Variants in WDR70 observed in about 807,000 individuals in gnomAD.
The protein encoded by WDR70 is WD repeat domain 70.
WDR70 carries 53 observed loss-of-function variants against 88.6 expected under a neutral mutation model. That is an observed-to-expected ratio of 0.60 (90% CI 0.48 to 0.75). The LOEUF (loss-of-function observed/expected upper bound fraction) is 0.75, where lower values mean the gene tolerates loss of function less well. Ranked by LOEUF, WDR70 falls within the 30% of genes least tolerant of loss-of-function variation. The probability of loss-of-function intolerance (pLI) is 0.00; values close to 1 mark genes in which losing one functional copy is unlikely to be tolerated. For missense variants in WDR70, 610 were observed against 823.2 expected, an observed-to-expected ratio of 0.74 and a Z score of 3.17; for synonymous variants, 280 against 270.0, an observed-to-expected ratio of 1.04 and a Z score of -0.36.
intron 7 of WDR70, among the ~76,000 whole-genome samples, chr5:37,451,209 A>G (rs1182860660): frequency 2.0e-5 from 3 of 152,066 alleles, no homozygotes; most frequent in Admixed American, 6.6e-5. Flanking sequence ...ATTTTTTTCA[A>G]GAAAAGACAG....
rs374759448 is a variant in WDR70, at chr5:37,432,643, A to T, written c.493-5279A>T. Reference sequence around the variant, plus strand: ...GATCTCCTGACCTTGTGATCCGCCCACCTCAGCCTCCCAAAGTGCTGGGAT... The same window carrying T: ...GATCTCCTGACCTTGTGATCCGCCCTCCTCAGCCTCCCAAAGTGCTGGGAT... On this transcript the variant is annotated intron_variant, in intron 5 of 17. Transcript: ENST00000265107. Among the ~76,000 whole-genome samples, 36 of 150,224 alleles carry T rather than the reference A, an allele frequency of 2.4e-4. No homozygotes were observed. The East Asian group carries it at 6.1e-3, about 25-fold the overall frequency.
chr5:37,409,711 G>A (rs1213378020), intron 5 of WDR70, among the ~76,000 whole-genome samples: 1 of 151,890 alleles, frequency 6.6e-6, no homozygotes. Flanking sequence ...CACCATGCTG[G>A]CCGGGCTGGT....
chr5:37,555,227 G>T (rs1742262649), intron 9 of WDR70, among the ~76,000 whole-genome samples: 1 of 152,132 alleles, frequency 6.6e-6, no homozygotes, highest in Admixed American at 6.5e-5. Flanking sequence ...AGTGATATGA[G>T]GCAGTCTTTT....
chr5:37,602,610 A>T (rs899755633), intron 9 of WDR70, among the ~76,000 whole-genome samples: 3 of 151,560 alleles, frequency 2.0e-5, no homozygotes, highest in African/African-American at 7.3e-5. Context: ...TGGGTGAGAG[A>T]GTGAGACTCT....
At chr5:37,649,659 C>T (rs1264427100) in intron 10 of WDR70, among the ~76,000 whole-genome samples, 1 of 148,682 alleles carries the variant, frequency 6.7e-6, no homozygotes, top group Non-Finnish European at 1.5e-5. Flanking sequence ...TTGTCATAAG[C>T]ATGAAAAGTT....
intron 13 of WDR70, among the ~76,000 whole-genome samples, chr5:37,713,314 C>T (rs912605738): frequency 1.3e-5 from 2 of 152,172 alleles, no homozygotes; most frequent in African/African-American, 4.8e-5. Flanking sequence ...AACCCCATTA[C>T]AAGCTATATT....
intron 10 of WDR70, among the ~76,000 whole-genome samples, chr5:37,622,724 C>T (rs557911371): frequency 8.0e-4 from 122 of 151,848 alleles, no homozygotes; most frequent in African/African-American, 2.8e-3. Flanking sequence ...GGGAACATCA[C>T]ACACTGGGGC....
At chr5:37,719,844 C>CTTTT (rs55870531) in intron 13 of WDR70, among the ~76,000 whole-genome samples, 1 of 141,120 alleles carries the variant, frequency 7.1e-6, no homozygotes, top group African/African-American at 2.6e-5. Context: ...TTCTTTCTTT[C>CTTTT]TTTTTTTTTT....
intron 7 of WDR70, among the ~76,000 whole-genome samples, chr5:37,455,946 T>A (rs1467142943): frequency 4.6e-5 from 7 of 152,164 alleles, no homozygotes; most frequent in Non-Finnish European, 1.0e-4. Flanking sequence ...CTTTTATAGC[T>A]GTGTAGTACT....
chr5:37,533,190 A>G (rs980701705), intron 9 of WDR70, among the ~76,000 whole-genome samples: 1 of 152,128 alleles, frequency 6.6e-6, no homozygotes, highest in African/African-American at 2.4e-5. Context: ...GGACTCTGTG[A>G]GCATCCTTGG....
At chr5:37,651,948 G>A (rs1269952178) in intron 10 of WDR70, among the ~76,000 whole-genome samples, 1 of 152,140 alleles carries the variant, frequency 6.6e-6, no homozygotes, top group Non-Finnish European at 1.5e-5. Flanking sequence ...CTGTGCAGAA[G>A]CTCTTTAGTT....
chr5:37,674,567 C>A (rs1165185741), intron 10 of WDR70, among the ~76,000 whole-genome samples: 2 of 152,092 alleles, frequency 1.3e-5, no homozygotes, highest in Non-Finnish European at 2.9e-5. Context: ...TGACCTCACC[C>A]TTTTTTATGG....
chr5:37,470,614 A>G (rs1298524125), intron 7 of WDR70, among the ~76,000 whole-genome samples: 2 of 152,168 alleles, frequency 1.3e-5, no homozygotes, highest in Non-Finnish European at 2.9e-5. Flanking sequence ...CTTTCACTTG[A>G]TTATATTTAT....
chr5:37,615,325 A>G (rs1017046287), intron 10 of WDR70, among the ~76,000 whole-genome samples: 1 of 152,118 alleles, frequency 6.6e-6, no homozygotes, highest in African/African-American at 2.4e-5. Context: ...GAGAGGAAGG[A>G]CTCATCTGGA....
chr5:37,686,738 T>C lies in WDR70; in HGVS notation c.1093-10917T>C, dbSNP rs116995668. Among the ~76,000 whole-genome samples, 31 of 151,984 alleles carry C rather than the reference T, an allele frequency of 2.0e-4. No homozygotes were observed. In the East Asian group the frequency reaches 6.0e-3, roughly 29 times the overall value. ...TGACCATCTGCTGAGAAAAGAGGTA[T>C]ACAGACAATTTTTCCAATTGGGAGT... is the stretch of plus-strand genomic sequence containing the variant. On this transcript the variant is annotated intron_variant, in intron 10 of 17. Transcript: ENST00000265107.
intron 17 of WDR70, among the ~76,000 whole-genome samples, chr5:37,747,793 C>G (rs151306340): frequency 6.6e-6 from 1 of 152,306 alleles, no homozygotes; most frequent in East Asian, 1.9e-4. Flanking sequence ...AGCAAAGTCT[C>G]AAGATACAAA....
chr5:37,449,239 C>T (rs367884091), intron 7 of WDR70, among the ~76,000 whole-genome samples: 2 of 152,108 alleles, frequency 1.3e-5, no homozygotes, highest in Admixed American at 6.6e-5. Context: ...GGTCTTTTGT[C>T]GCTTTGACAT....
intron 17 of WDR70, among the ~76,000 whole-genome samples, chr5:37,744,896 C>A (rs1392512329): frequency 6.6e-6 from 1 of 152,116 alleles, no homozygotes; most frequent in Non-Finnish European, 1.5e-5. Flanking sequence ...CCCAACCTAG[C>A]AAGACAGGCC....
chr5:37,438,268 A>G (rs1222146070), intron 6 of WDR70, among the ~76,000 whole-genome samples: 1 of 152,070 alleles, frequency 6.6e-6, no homozygotes, highest in Non-Finnish European at 1.5e-5. Context: ...CTCAAACACA[A>G]TTTTGCTTTT....
Sources: allele counts gnomAD v4.1 joint callset (sites outside exome capture counted in the v4.1 genomes callset), GRCh38; gene constraint gnomAD v4.1.1; transcripts MANE v1.5; gene names NCBI Gene and HGNC (gene_info 2026-07-23, HGNC 2026-07-21).